OSBPL11: variants seen among roughly 807,000 people sequenced by gnomAD.
OSBPL11 encodes oxysterol-binding protein-related protein 11.
In OSBPL11, 33 loss-of-function variants were observed where a neutral mutation model predicts 84.4. The observed-to-expected ratio is 0.39, with a 90% CI of 0.30 to 0.52. OSBPL11 has a LOEUF of 0.52. Ranked by LOEUF, OSBPL11 falls within the 20% of genes least tolerant of loss-of-function variation. The probability of loss-of-function intolerance (pLI) is 0.72; values close to 1 mark genes in which losing one functional copy is unlikely to be tolerated. For missense variants in OSBPL11, 736 were observed against 901.1 expected (o/e 0.82, Z 2.35); for synonymous variants, 276 against 310.2 (o/e 0.89, Z 1.16).
In OSBPL11 at chr3:125,573,614, G is replaced by A. The variant is rs1046405164; in HGVS notation, c.666+2575C>T. On this transcript the variant is annotated intron_variant, in intron 5 of 12. Transcript: ENST00000296220. ...GCGGTGGCTCACGCCTGTAATCCCA[G>A]CACTTTGGGAGGCCGAGGCGGGTGG... Among the ~76,000 whole-genome samples, 5 of 152,256 alleles carry A rather than the reference G, an allele frequency of 3.3e-5. No individual in the cohort carries two copies. The South Asian group carries it at 6.2e-4, about 19-fold the overall frequency.
At position 125,595,278 on chromosome 3, in the gene OSBPL11, G is replaced by C. The variant is rs944273160; in HGVS notation, c.-478C>G. Among the ~76,000 whole-genome samples the C allele has an allele frequency of 3.9e-5, 6 of 152,150 alleles. No individual in the cohort carries two copies. The highest frequency in any genetic ancestry group is 1.4e-4 in the African/African-American group (6 of 41,436). On this transcript the variant is annotated 5_prime_UTR_variant, in exon 1 of 13. Transcript: ENST00000296220. Reference sequence around the variant, plus strand: ...TCAAGCCCGCTCGGCAGTTCCCGCCGCAGCCCCCGAGATACAGCCAGGGCC... The same window carrying C: ...TCAAGCCCGCTCGGCAGTTCCCGCCCCAGCCCCCGAGATACAGCCAGGGCC...
chr3:125,591,836 T>C (rs1936599388), intron 1 of OSBPL11, among the ~76,000 whole-genome samples: 1 of 152,100 alleles, frequency 6.6e-6, no homozygotes, highest in Non-Finnish European at 1.5e-5. Flanking sequence ...ATCCTGCCTC[T>C]AGAAAAAAAT....
chr3:125,582,307 C>T (rs2107610478), intron 2 of OSBPL11, among the ~76,000 whole-genome samples: 1 of 151,232 alleles, frequency 6.6e-6, no homozygotes, highest in South Asian at 2.1e-4. Context: ...TGCACTCCAG[C>T]TGGGTGACAG....
At chr3:125,552,918 A>C (rs1375324102) in intron 8 of OSBPL11, among the ~76,000 whole-genome samples, 3 of 152,136 alleles carry the variant, frequency 2.0e-5, no homozygotes, top group Non-Finnish European at 4.4e-5. Flanking sequence ...AGGAGTTCGA[A>C]ACCAGCTGAG....
chr3:125,579,788 A>G, intron 3 of OSBPL11, 77 bp downstream of exon 3: 2 of 1,311,232 alleles, frequency 1.5e-6, no homozygotes. Flanking sequence ...TCCAAAGCCC[A>G]TATGAAAGCA....
chr3:125,529,391 G>C lies in OSBPL11; in HGVS notation c.*1124C>G, dbSNP rs1935523488. Reference sequence around the variant, plus strand: ...GATTTGTACCTGAATACAACTTCCTGATCTTTTTTTCCTGATACCTTTTCA... The same window carrying C: ...GATTTGTACCTGAATACAACTTCCTCATCTTTTTTTCCTGATACCTTTTCA... On this transcript the variant is annotated 3_prime_UTR_variant, in exon 13 of 13. Transcript: ENST00000296220. 2.6e-5 allele frequency: 4 copies of C among 151,080 alleles called. No homozygotes were observed. The highest frequency in any genetic ancestry group is 2.0e-4 in the Admixed American group (3 of 15,090). 9.4% of individuals were successfully genotyped at this position (151,080 alleles called of 1,614,324 possible).
At chr3:125,568,413 AGAGT>A (rs1174689423) in intron 5 of OSBPL11, among the ~76,000 whole-genome samples, 2 of 151,336 alleles carry the variant, frequency 1.3e-5, no homozygotes, top group Admixed American at 6.6e-5. Flanking sequence ...CCTGGGCGAT[AGAGT>A]GAGACTACGT....
At chr3:125,550,818 A>C (rs762711345) in intron 9 of OSBPL11, among the ~76,000 whole-genome samples, 2 of 152,318 alleles carry the variant, frequency 1.3e-5, no homozygotes, top group Admixed American at 1.3e-4. Context: ...AACTTTTATC[A>C]GCATATATTT....
At chr3:125,571,385 A>C (rs1489362238) in intron 5 of OSBPL11, among the ~76,000 whole-genome samples, 1 of 152,196 alleles carries the variant, frequency 6.6e-6, no homozygotes, top group African/African-American at 2.4e-5. Context: ...TTCTGAGGAG[A>C]AATTCAAGCT....
chr3:125,587,180 T>A (rs1215503762), intron 1 of OSBPL11, among the ~76,000 whole-genome samples: 4 of 152,064 alleles, frequency 2.6e-5, no homozygotes, highest in Admixed American at 2.6e-4. Flanking sequence ...AAGGCTGAAA[T>A]GACTAGATTT....
rs35693186 is a variant in OSBPL11, at chr3:125,567,992, T to TAA, written c.667-399_667-398dup. 4.9e-3 allele frequency among the ~76,000 whole-genome samples: 576 copies of TAA among 117,834 alleles called. 2 individuals carry two copies. The highest frequency in any genetic ancestry group is 8.1e-3 in the Non-Finnish European group (455 of 55,898). The allele number at this position is 117,834 out of a possible 152,430, so 77.3% of individuals were successfully genotyped here. A position where few individuals can be genotyped will look rare whatever the true frequency, so the allele number is the denominator to read the frequency against. On this transcript the variant is annotated intron_variant, in intron 5 of 12. Transcript: ENST00000296220. ...CTGGGCAAAAGAGTAAAACCCCGTCTAAAAAAAAAAAAAAAAAGACATATT... is the reference window on the plus strand; with the variant it reads ...CTGGGCAAAAGAGTAAAACCCCGTCTAAAAAAAAAAAAAAAAAAAGACATATT...
At chr3:125,567,662 C>A in intron 5 of OSBPL11, 67 bp from the exon 6 acceptor site, 1 of 1,309,946 alleles carries the variant, frequency 7.6e-7, no homozygotes. Flanking sequence ...ATACAGTTGC[C>A]ATTTTAATTA....
chr3:125,541,569 G>C (rs537908183), intron 10 of OSBPL11, among the ~76,000 whole-genome samples: 1 of 152,016 alleles, frequency 6.6e-6, no homozygotes, highest in East Asian at 1.9e-4. Context: ...AAGGTGCCCC[G>C]AATCTCTTTC....
chr3:125,530,805 T>C (rs1306216031), intron 12 of OSBPL11, among the ~76,000 whole-genome samples: 1 of 152,146 alleles, frequency 6.6e-6, no homozygotes, highest in Admixed American at 6.5e-5. Flanking sequence ...TTGTGACCCA[T>C]GAACATTTAA....
Position 125,595,077 on chromosome 3 carries a change from A to G in OSBPL11, c.-277T>C, listed in dbSNP as rs765053501. ...AGCAAGGAGGAAAAAGCATCCGGCG[A>G]GAAGACTTAAGTGACATACTCAAAA... On this transcript the variant is annotated 5_prime_UTR_variant, in exon 1 of 13. Transcript: ENST00000296220. 1.1e-5 allele frequency: 4 copies of G among 351,182 alleles called. No homozygotes were observed. Among genetic ancestry groups the G allele is most frequent in the Non-Finnish European group, 2.1e-5 (4 of 188,424 alleles). The allele number at this position is 351,182 out of a possible 1,614,324, so 21.8% of individuals were successfully genotyped here.
chr3:125,578,865 C>A, intron 4 of OSBPL11, 95 bp downstream of exon 4: 1 of 643,304 alleles, frequency 1.6e-6, no homozygotes. Flanking sequence ...GTGAATTTTA[C>A]GGTATATGAA....
intron 10 of OSBPL11, among the ~76,000 whole-genome samples, chr3:125,546,482 G>A (rs930518837): frequency 9.9e-5 from 15 of 152,066 alleles, no homozygotes; most frequent in Admixed American, 3.3e-4. Flanking sequence ...ACAGGCATGC[G>A]CCACCATACT....
At chr3:125,586,810 C>T (rs1028690845) in intron 1 of OSBPL11, among the ~76,000 whole-genome samples, 8 of 152,078 alleles carry the variant, frequency 5.3e-5, no homozygotes, top group African/African-American at 7.2e-5. Flanking sequence ...CCACCGTGCC[C>T]GGCAATATAC....
intron 1 of OSBPL11, among the ~76,000 whole-genome samples, chr3:125,584,560 T>C (rs1236996510): frequency 1.3e-5 from 2 of 152,008 alleles, no homozygotes; most frequent in Non-Finnish European, 2.9e-5. Context: ...TTAATCTAGG[T>C]TCTCTACACC....
Sources: allele counts gnomAD v4.1 joint callset (sites outside exome capture counted in the v4.1 genomes callset), GRCh38; gene constraint gnomAD v4.1.1; transcripts MANE v1.5; gene names NCBI Gene and HGNC (gene_info 2026-07-23, HGNC 2026-07-21).